DMD: variants seen among roughly 807,000 people sequenced by gnomAD.
DMD encodes mutant dystrophin.
DMD carries 63 observed loss-of-function variants against 330.1 expected under a neutral mutation model. The observed-to-expected ratio is 0.19, with a 90% CI of 0.16 to 0.24. The LOEUF is 0.24. Ranked by LOEUF, DMD falls within the 10% of genes least tolerant of loss-of-function variation. The probability of loss-of-function intolerance (pLI) is 1.00; values close to 1 mark genes in which losing one functional copy is unlikely to be tolerated. For missense variants in DMD, 3,344 were observed against 2,684.1 expected (o/e 1.25, Z -5.43); for synonymous variants, 1,223 against 959.8 (o/e 1.27, Z -5.07).
intron 1 of DMD, among the ~76,000 whole-genome samples, chrX:33,296,208 G>T (rs1401130254): frequency 9.0e-6 from 1 of 110,729 alleles, no homozygotes; most frequent in South Asian, 3.7e-4. Context: ...AATTATTAAA[G>T]CAAGGTTATT....
chrX:31,903,825 A>G (rs977864878), intron 47 of DMD, among the ~76,000 whole-genome samples: 17 of 112,072 alleles, frequency 1.5e-4, no homozygotes, highest in African/African-American at 4.9e-4. Flanking sequence ...AAGAAAGAAC[A>G]TTACTTCAAT....
chrX:32,697,091 C>T (rs1291578568), intron 9 of DMD, among the ~76,000 whole-genome samples: 2 of 111,687 alleles, frequency 1.8e-5, no homozygotes, highest in African/African-American at 3.3e-5. Context: ...TAGCACGTTT[C>T]GAATTGGCTC....
intron 4 of DMD, among the ~76,000 whole-genome samples, chrX:32,827,192 CCCAAGGGGTAAGAAAAAGGAAGTA>C (rs2078786662): frequency 9.2e-6 from 1 of 108,594 alleles, no homozygotes; most frequent in Non-Finnish European, 1.9e-5. Context: ...CTCACGGAAG[CCCAAGGGGTAAGAAAAAGGAAGTA>C]ACATTGTGAA....
At chrX:31,209,157 A>T (rs912607082) in intron 65 of DMD, among the ~76,000 whole-genome samples, 4 of 111,396 alleles carry the variant, frequency 3.6e-5, no homozygotes, top group Non-Finnish European at 3.8e-5. Flanking sequence ...CATGGCCGCC[A>T]GTGAGAGGAA....
chrX:31,589,147 C>T (rs2076752870), intron 55 of DMD, among the ~76,000 whole-genome samples: 1 of 110,423 alleles, frequency 9.1e-6, no homozygotes, highest in African/African-American at 3.3e-5. Context: ...TTCATCTCTC[C>T]CAATTCAAAC....
At chrX:31,177,055 C>G (rs1473454413) in intron 71 of DMD, among the ~76,000 whole-genome samples, 1 of 111,464 alleles carries the variant, frequency 9.0e-6, no homozygotes, top group Non-Finnish European at 1.9e-5. Context: ...ACAGAGCTGT[C>G]TGATTTTCAA....
At chrX:33,262,076 CAA>C (rs776146223) in intron 1 of DMD, among the ~76,000 whole-genome samples, 201 of 108,860 alleles carry the variant, frequency 1.8e-3, no homozygotes, top group African/African-American at 6.6e-3. Context: ...AGATAAAACT[CAA>C]TAAAAAGAAC....
chrX:32,157,828 C>T (rs2096835808), intron 44 of DMD, among the ~76,000 whole-genome samples: 1 of 111,903 alleles, frequency 8.9e-6, no homozygotes, highest in Non-Finnish European at 1.9e-5. Context: ...ACCAGACATT[C>T]CTTGGCAGAA....
At chrX:31,160,810 T>G (rs1163507093) in intron 74 of DMD, among the ~76,000 whole-genome samples, 1 of 111,736 alleles carries the variant, frequency 8.9e-6, no homozygotes, top group Admixed American at 9.5e-5. Flanking sequence ...CTATCTTTGG[T>G]GTTTTAATGT....
chrX:31,792,187 T>C (rs1170615044), intron 50 of DMD, among the ~76,000 whole-genome samples: 2 of 112,054 alleles, frequency 1.8e-5, no homozygotes, highest in African/African-American at 6.5e-5. Flanking sequence ...ATTAAACACA[T>C]TAGAAATCAC....
intron 4 of DMD, among the ~76,000 whole-genome samples, chrX:32,842,254 G>T (rs961208093): frequency 8.9e-6 from 1 of 112,409 alleles, no homozygotes; most frequent in Non-Finnish European, 1.9e-5. Flanking sequence ...ATTATGTCTA[G>T]CCTTGTGGTT....
At chrX:31,620,926 G>C (rs2078498141) in intron 55 of DMD, among the ~76,000 whole-genome samples, 2 of 111,589 alleles carry the variant, frequency 1.8e-5, no homozygotes, top group Admixed American at 1.9e-4. Flanking sequence ...ATAAATTTGT[G>C]TGTAATATAA....
intron 43 of DMD, among the ~76,000 whole-genome samples, chrX:32,265,082 T>C (rs991526662): frequency 2.0e-4 from 22 of 112,378 alleles, no homozygotes; most frequent in African/African-American, 6.8e-4. Flanking sequence ...GAAAATTGTC[T>C]CCAGGAAATG....
At chrX:31,124,452 A>ATG (rs1212960820) in intron 78 of DMD, among the ~76,000 whole-genome samples, 1 of 111,538 alleles carries the variant, frequency 9.0e-6, no homozygotes, top group African/African-American at 3.3e-5. Context: ...TCTATTATCC[A>ATG]TGTGTGTAAG....
intron 2 of DMD, among the ~76,000 whole-genome samples, chrX:33,016,924 G>A (rs1319993734): frequency 8.9e-6 from 1 of 111,815 alleles, no homozygotes; most frequent in Non-Finnish European, 1.9e-5. Flanking sequence ...TATACACGAG[G>A]CTTTTTAAAG....
At chrX:33,078,113 A>C (rs2094873407) in intron 1 of DMD, among the ~76,000 whole-genome samples, 1 of 111,580 alleles carries the variant, frequency 9.0e-6, no homozygotes, top group Non-Finnish European at 1.9e-5. Flanking sequence ...AGTTGACCAA[A>C]GTCCTCTCCT....
At chrX:32,703,055 T>A (rs1569472898) in intron 7 of DMD, among the ~76,000 whole-genome samples, 1 of 111,198 alleles carries the variant, frequency 9.0e-6, no homozygotes, top group Non-Finnish European at 1.9e-5. Flanking sequence ...CAGCAAACAC[T>A]CCCTTCTGAA....
intron 1 of DMD, among the ~76,000 whole-genome samples, chrX:33,326,018 C>T (rs747565316): frequency 9.0e-6 from 1 of 111,041 alleles, no homozygotes; most frequent in Non-Finnish European, 1.9e-5. Flanking sequence ...CCGACTTTTA[C>T]GGTGTGAAAT....
intron 47 of DMD, among the ~76,000 whole-genome samples, chrX:31,890,645 G>A (rs951099794): frequency 2.7e-5 from 3 of 110,919 alleles, no homozygotes; most frequent in African/African-American, 9.8e-5. Flanking sequence ...TTTTGAAAGC[G>A]TAACATTTTA....
Sources: gnomAD v4.1 joint callset for allele counts (sites outside exome capture counted in the v4.1 genomes callset) on GRCh38, gnomAD v4.1.1 for gene constraint, MANE v1.5 for transcripts, NCBI Gene and HGNC (gene_info 2026-07-23, HGNC 2026-07-21) for gene names.